The following MCM6 variants were observed in gnomAD, a reference collection of about 807,000 sequenced individuals.
MCM6 encodes DNA replication licensing factor MCM6.
MCM6 carries 46 observed loss-of-function variants against 94.3 expected under a neutral mutation model. The observed-to-expected ratio is 0.49, with a 90% CI of 0.39 to 0.62. The LOEUF (loss-of-function observed/expected upper bound fraction) is 0.62, where lower values mean the gene tolerates loss of function less well. Ranked by LOEUF, MCM6 falls within the 20% of genes least tolerant of loss-of-function variation. The pLI, the probability that MCM6 is intolerant of heterozygous loss-of-function variation, is 0.00. For missense variants in MCM6, 865 were observed against 1,017.9 expected (o/e 0.85, Z 2.04); for synonymous variants, 335 against 351.9 (o/e 0.95, Z 0.54).
intron 4 of MCM6, 152 bp downstream of exon 4, chr2:135,868,459 A>T: frequency 2.8e-6 from 2 of 714,664 alleles, no homozygotes; most frequent in Non-Finnish European, 4.6e-6. Flanking sequence ...AATTTACATG[A>T]ACAGTTTTGG....
At chr2:135,842,373 T>C (rs1382582370) in intron 16 of MCM6, among the ~76,000 whole-genome samples, 1 of 152,150 alleles carries the variant, frequency 6.6e-6, no homozygotes, top group Non-Finnish European at 1.5e-5. Flanking sequence ...ACAACCCCAA[T>C]ACATGACCTC....
rs530013823 is a variant in MCM6, at chr2:135,840,728, G to A, written c.*107C>T. 1.5e-4 allele frequency: 106 copies of A among 717,116 alleles called. No homozygotes were observed. The Middle Eastern group carries it at 1.7e-3, about 11-fold the overall frequency. 44.4% of individuals were successfully genotyped at this position (717,116 alleles called of 1,614,324 possible). A position where few individuals can be genotyped will look rare whatever the true frequency, so the allele number is the denominator to read the frequency against. ...TTGTTTCTGAAAACAAATCCTGGAA[G>A]CATCACTTCCAGAAACACTTCTGTC... On this transcript the variant is annotated 3_prime_UTR_variant, in exon 17 of 17. Coordinates refer to ENST00000264156, the MANE Select transcript of MCM6 (RefSeq NM_005915.6).
intron 1 of MCM6, among the ~76,000 whole-genome samples, chr2:135,873,751 T>A (rs1680246256): frequency 6.6e-6 from 1 of 152,142 alleles, no homozygotes; most frequent in African/African-American, 2.4e-5. Flanking sequence ...GTTAGACATG[T>A]AAGCAATGAA....
chr2:135,872,452 AAAACAAAC>A (rs4988157), intron 2 of MCM6, among the ~76,000 whole-genome samples: 169 of 151,616 alleles, frequency 1.1e-3, no homozygotes, highest in African/African-American at 3.5e-3. Context: ...TCCGTCTCAA[AAAACAAAC>A]AAACAAACAA....
At chr2:135,847,391 T>C (rs1160740613) in intron 14 of MCM6, among the ~76,000 whole-genome samples, 5 of 152,092 alleles carry the variant, frequency 3.3e-5, no homozygotes, top group Non-Finnish European at 5.9e-5. Flanking sequence ...CAAGCCTGGG[T>C]GACAGAATGA....
intron 12 of MCM6, among the ~76,000 whole-genome samples, chr2:135,852,434 C>T (rs1323864021): frequency 6.6e-6 from 1 of 151,876 alleles, no homozygotes; most frequent in African/African-American, 2.4e-5. Context: ...TCCAATGTTT[C>T]CTTCAAAGAA....
chr2:135,847,429 C>T (rs1485458723), intron 14 of MCM6, among the ~76,000 whole-genome samples: 1 of 152,108 alleles, frequency 6.6e-6, no homozygotes, highest in Non-Finnish European at 1.5e-5. Context: ...AATAAAATTT[C>T]TAGTATTTTT....
At chr2:135,851,708 T>C (rs548228501) in intron 12 of MCM6, 145 bp from the exon 13 acceptor site, 1 of 521,122 alleles carries the variant, frequency 1.9e-6, no homozygotes, top group South Asian at 6.1e-5. Context: ...AATAAATTAC[T>C]ATTGTAATGT....
In MCM6 at chr2:135,839,695, A is replaced by C. The variant is rs1679532048; in HGVS notation, c.*1140T>G. On this transcript the variant is annotated 3_prime_UTR_variant, in exon 17 of 17. Transcript: ENST00000264156. Reference sequence around the variant, plus strand: ...CATACTTGTGGAGTACATTTTGACAAGGTTTCATACAAGTTGATTCCAGGG... The same window carrying C: ...CATACTTGTGGAGTACATTTTGACACGGTTTCATACAAGTTGATTCCAGGG... 1 of 152,192 alleles carries C rather than the reference A, an allele frequency of 6.6e-6. No homozygotes were observed. Among genetic ancestry groups the C allele is most frequent in the African/African-American group, 2.4e-5 (1 of 41,448 alleles). The allele number at this position is 152,192 out of a possible 1,614,324, so 9.4% of individuals were successfully genotyped here.
intron 1 of MCM6, among the ~76,000 whole-genome samples, chr2:135,874,038 A>G (rs1680252052): frequency 6.6e-6 from 1 of 152,206 alleles, no homozygotes; most frequent in Admixed American, 6.6e-5. Flanking sequence ...GGAGTGATGA[A>G]GAATTTGAAC....
chr2:135,858,574 G>C (rs1419102519), intron 9 of MCM6, among the ~76,000 whole-genome samples: 1 of 152,090 alleles, frequency 6.6e-6, no homozygotes, highest in Non-Finnish European at 1.5e-5. Context: ...CTCCAAACAA[G>C]TAGAAGATAG....
chr2:135,864,258 AAG>A (rs1400082278), intron 7 of MCM6, among the ~76,000 whole-genome samples: 1 of 152,224 alleles, frequency 6.6e-6, no homozygotes, highest in African/African-American at 2.4e-5. Flanking sequence ...GCTTGCAACC[AAG>A]AGTCAGGAAA....
In MCM6 at chr2:135,866,678, G is replaced by A. The variant is rs1345526368; in HGVS notation, c.666C>T (p.Arg222=). 4 of 1,613,984 alleles carry A rather than the reference G, an allele frequency of 2.5e-6. No homozygotes were observed. The Middle Eastern group carries it at 4.9e-4, about 200-fold the overall frequency. ...QAELPRGSIP[R]SLEVILRAEA... The stretch of plus-strand genomic sequence containing the variant: ...CAGCCCTTAAAATTACTTCTAAACT[G>A]CGGGGGATACTCCCTCGAGGAAGCT... The change falls in exon 5 of 17, where the codon CGC becomes CGT. Residue 222 remains arginine (R), a synonymous_variant. Transcript: ENST00000264156.
At chr2:135,852,564 T>C (rs1419904778) in intron 12 of MCM6, among the ~76,000 whole-genome samples, 1 of 152,160 alleles carries the variant, frequency 6.6e-6, no homozygotes, top group Non-Finnish European at 1.5e-5. Context: ...AATCTTTTTA[T>C]TACCACCAAA....
At chr2:135,876,019 CTGAGCA>C (rs1680289482) in intron 1 of MCM6, among the ~76,000 whole-genome samples, 4 of 152,246 alleles carry the variant, frequency 2.6e-5, no homozygotes, top group Non-Finnish European at 5.9e-5. Context: ...AAGCAAAGCG[CTGAGCA>C]CTGGGCACGA....
intron 13 of MCM6, among the ~76,000 whole-genome samples, 172 bp downstream of exon 13, chr2:135,851,230 C>T (rs958378456): frequency 9.2e-5 from 14 of 152,366 alleles, no homozygotes; most frequent in Admixed American, 5.2e-4. Flanking sequence ...AACAACTACA[C>T]TCAAATGCTT....
At chr2:135,843,669 G>T (rs2105570725) in intron 16 of MCM6, among the ~76,000 whole-genome samples, 1 of 150,308 alleles carries the variant, frequency 6.7e-6, no homozygotes, top group South Asian at 2.1e-4. Flanking sequence ...CCAGGAGGTG[G>T]AAGCTGCAGT....
At chr2:135,868,519 GT>G in intron 4 of MCM6, 91 bp downstream of exon 4, 1 of 1,321,814 alleles carries the variant, frequency 7.6e-7, no homozygotes, top group South Asian at 1.3e-5. Flanking sequence ...TAAAAATTGA[GT>G]TGAACATTAT....
intron 9 of MCM6, among the ~76,000 whole-genome samples, chr2:135,859,028 C>T (rs1205916886): frequency 6.6e-6 from 1 of 152,048 alleles, no homozygotes; most frequent in African/African-American, 2.4e-5. Flanking sequence ...GTAGCTGGGA[C>T]CACAAGCACC....
Sources: gnomAD v4.1 joint callset for allele counts (sites outside exome capture counted in the v4.1 genomes callset) on GRCh38, gnomAD v4.1.1 for gene constraint, MANE v1.5 for transcripts, NCBI Gene and HGNC (gene_info 2026-07-23, HGNC 2026-07-21) for gene names.